Variants in PLEKHG5 observed in about 807,000 individuals in gnomAD.
The protein encoded by PLEKHG5 is pleckstrin homology domain-containing family G member 5.
PLEKHG5 carries 52 observed loss-of-function variants against 103.8 expected under a neutral mutation model. The ratio of observed to expected loss-of-function variants is 0.50; its 90% CI spans 0.40 to 0.63. The LOEUF (loss-of-function observed/expected upper bound fraction) is 0.63, where lower values mean the gene tolerates loss of function less well. Among genes scored for constraint, PLEKHG5 ranks in the 30% least tolerant of loss-of-function variants. The probability of loss-of-function intolerance (pLI) is 0.00; values close to 1 mark genes in which losing one functional copy is unlikely to be tolerated. For missense variants in PLEKHG5, 1,205 were observed against 1,347.6 expected (o/e 0.89, Z 1.66); for synonymous variants, 592 against 575.5 (o/e 1.03, Z -0.41).
At chr1:6,495,285 C>T (rs2148626275), upstream of PLEKHG5, among the ~76,000 whole-genome samples, 1 of 152,332 alleles carries the variant, frequency 6.6e-6, no homozygotes, top group East Asian at 1.9e-4. Context: ...CATCACACCG[C>T]CCCCCTGCCT....
chr1:6,510,315 G>A (rs1052688793), intron 1 of PLEKHG5, among the ~76,000 whole-genome samples: 4 of 152,164 alleles, frequency 2.6e-5, no homozygotes, highest in Non-Finnish European at 5.9e-5. Context: ...CTGCCCGGCC[G>A]GGCACAGTGG....
At chr1:6,472,836 C>A in intron 9 of PLEKHG5, 150 bp downstream of exon 9, 4 of 818,580 alleles carry the variant, frequency 4.9e-6, no homozygotes. Context: ...AGCAGCACAC[C>A]ATTTTCATCT....
intron 1 of PLEKHG5, among the ~76,000 whole-genome samples, chr1:6,509,377 G>T (rs1209022215): frequency 6.6e-6 from 1 of 152,254 alleles, no homozygotes; most frequent in Non-Finnish European, 1.5e-5. Context: ...GACATGGGGA[G>T]GGGGCGAGTC....
rs537204608 is a variant in PLEKHG5 at position 6,491,449 on chromosome 1, C to T, written c.-88+188G>A. On this transcript the variant is annotated intron_variant, in intron 1 of 20. Coordinates refer to ENST00000377728, the MANE Select transcript of PLEKHG5 (RefSeq NM_020631.6). The surrounding 1 kb of genome is among the most constrained non-coding windows in gnomAD (Gnocchi z 4.1). ...AACTACTTAGCCAAAACCCAGGAGT[C>T]CCCTTGCATTGTTTCTCTGGCCCTG... is the stretch of plus-strand genomic sequence containing the variant. 4.6e-5 allele frequency among the ~76,000 whole-genome samples: 7 copies of T among 152,294 alleles called. No homozygotes were observed. The South Asian group carries it at 1.2e-3, about 27-fold the overall frequency.
chr1:6,480,370 A>C (rs1644867997), intron 1 of PLEKHG5, among the ~76,000 whole-genome samples: 1 of 151,940 alleles, frequency 6.6e-6, no homozygotes, highest in Non-Finnish European at 1.5e-5. Flanking sequence ...CTCTACTAAA[A>C]TACAAAAAAA....
intron 1 of PLEKHG5, among the ~76,000 whole-genome samples, chr1:6,488,561 C>T (rs187904924): frequency 1.1e-3 from 162 of 152,358 alleles, no homozygotes; most frequent in African/African-American, 3.8e-3. Context: ...CCCTGGCCAT[C>T]CCTGAGTGAG....
chr1:6,481,444 T>G (rs1644895315), intron 1 of PLEKHG5, among the ~76,000 whole-genome samples: 1 of 151,578 alleles, frequency 6.6e-6, no homozygotes, highest in Non-Finnish European at 1.5e-5. Flanking sequence ...AGCAGGAGAA[T>G]CGCTTGAATA....
chr1:6,467,708 G>A (rs1644424270), intron 20 of PLEKHG5, 117 bp downstream of exon 20: 1 of 1,482,090 alleles, frequency 6.7e-7, no homozygotes, highest in Non-Finnish European at 9.4e-7. Flanking sequence ...CCAGACACTG[G>A]GCAGGGTTCA....
chr1:6,468,405 G>T lies in PLEKHG5; in HGVS notation c.2431C>A (p.Arg811Ser). ...ELLPLGPVDG[R>S]SCSMDSAYGT... ...TAGGCAGAGTCCATGGAGCAGGAGC[G>T]GCCGTCCACCGGACCCAGGGGCAGC... The change falls in exon 20 of 21, where the codon CGC (arginine) becomes AGC (serine). Residue 811 changes from arginine (R) to serine (S), a missense_variant. Physicochemically the swap from Arg to Ser is moderately radical, Grantham distance 110. Coordinates refer to ENST00000377728, the MANE Select transcript of PLEKHG5 (RefSeq NM_020631.6). 1 of 1,611,480 alleles carries T rather than the reference G, an allele frequency of 6.2e-7. No individual in the cohort carries two copies. The highest frequency in any genetic ancestry group is 8.5e-7 in the Non-Finnish European group (1 of 1,179,190).
At chr1:6,494,653 C>T (rs558006967), upstream of PLEKHG5, among the ~76,000 whole-genome samples, 1 of 152,322 alleles carries the variant, frequency 6.6e-6, no homozygotes, top group African/African-American at 2.4e-5. Context: ...CCACCACTGC[C>T]TCTCCCTTCC....
Position 6,470,966 on chromosome 1 carries a change from C to G in PLEKHG5, c.1392+24G>C, listed in dbSNP as rs558022226. 1.9e-6 allele frequency: 3 copies of G among 1,572,562 alleles called. No homozygotes were observed. The African/African-American group carries it at 4.1e-5, about 21-fold the overall frequency. On this transcript the variant is annotated intron_variant, in intron 13 of 20. Coordinates refer to ENST00000377728, the MANE Select transcript of PLEKHG5 (RefSeq NM_020631.6). The stretch of plus-strand genomic sequence containing the variant: ...CCAGGGTCCCGTCCTCCTGCGCCCC[C>G]GCCCACGGCACGCGCGCCCTCACCG...
At chr1:6,492,958 A>G (rs1291641661), upstream of PLEKHG5, among the ~76,000 whole-genome samples, 4 of 121,804 alleles carry the variant, frequency 3.3e-5, no homozygotes, top group African/African-American at 1.0e-4. Flanking sequence ...ATAGCCCCCA[A>G]TGTCCCCCCC....
Position 6,504,301 on chromosome 1 carries a change from C to T in PLEKHG5, c.-164-7732G>A, listed in dbSNP as rs948260839. Among the ~76,000 whole-genome samples the T allele has an allele frequency of 4.1e-4, 63 of 152,156 alleles. 1 individual carries two copies. The highest frequency in any genetic ancestry group is 6.5e-4 in the Admixed American group (10 of 15,284). On this transcript the variant is annotated intron_variant, in intron 1 of 21. Transcript: ENST00000377740. Reference sequence around the variant, plus strand: ...TCCTCCTCACCCCACCCCCACATCCCGTGCTGCCTCCCGCATCCCCACTGC... The same window carrying T: ...TCCTCCTCACCCCACCCCCACATCCTGTGCTGCCTCCCGCATCCCCACTGC...
chr1:6,493,558 C>T (rs1230027324), upstream of PLEKHG5, among the ~76,000 whole-genome samples: 2 of 152,178 alleles, frequency 1.3e-5, no homozygotes, highest in Non-Finnish European at 2.9e-5. Flanking sequence ...ACGCTGTTCT[C>T]CTGAGGGTCT....
Position 6,473,985 on chromosome 1 carries a change from C to A in PLEKHG5, c.591+28G>T, listed in dbSNP as rs76386795. 1.1e-5 allele frequency: 15 copies of A among 1,425,270 alleles called. No homozygotes were observed. In the African/African-American group the frequency reaches 2.0e-4, roughly 19 times the overall value. The allele number at this position is 1,425,270 out of a possible 1,614,324, so 88.3% of individuals were successfully genotyped here. A position where few individuals can be genotyped will look rare whatever the true frequency, so the allele number is the denominator to read the frequency against. On this transcript the variant is annotated intron_variant, in intron 7 of 20. Transcript: ENST00000377728. ...CCCAGCCTGGGCCCCTTCCCACCCCCTCCCCTGACACACCCCCTCCTCCTC... is the reference window on the plus strand; with the variant it reads ...CCCAGCCTGGGCCCCTTCCCACCCCATCCCCTGACACACCCCCTCCTCCTC...
chr1:6,470,684 G>C (rs781041969), intron 14 of PLEKHG5, 41 bp from the exon 15 acceptor site: 4 of 1,554,024 alleles, frequency 2.6e-6, no homozygotes, highest in Non-Finnish European at 2.6e-6. Context: ...GGGTCATGAC[G>C]GAGCAGAGAG....
chr1:6,510,655 C>A (rs1638447250), intron 1 of PLEKHG5, among the ~76,000 whole-genome samples: 1 of 152,236 alleles, frequency 6.6e-6, no homozygotes, highest in South Asian at 2.1e-4. Flanking sequence ...AGGGCCAATA[C>A]CTGATAGTGA....
rs781065380 is a variant in PLEKHG5 at position 6,467,837 on chromosome 1, G to A, written c.2999C>T (p.Thr1000Met). 1.4e-5 allele frequency: 22 copies of A among 1,613,124 alleles called. No individual in the cohort carries two copies. The highest frequency in any genetic ancestry group is 2.2e-5 in the East Asian group (1 of 44,892). Residue 1000 changes from threonine to methionine, a missense_variant, in exon 20 of 21, where the codon ACG becomes ATG. By Grantham distance (81) the Thr-to-Met change is moderately conservative. Coordinates refer to ENST00000377728, the MANE Select transcript of PLEKHG5 (RefSeq NM_020631.6). ...CCAGGCCACTCACGAGGCAGTGAGC[G>A]TGGAGTTAAGCAGCAGGGTGGTCCT... ...RIRTTLLLNS[T>M]LTASEV
Position 6,471,007 on chromosome 1 carries a change from A to G in PLEKHG5, c.1375T>C (p.Phe459Leu), listed in dbSNP as rs1255812842. 6.2e-7 allele frequency: 1 copy of G among 1,605,022 alleles called. No individual in the cohort carries two copies. The highest frequency in any genetic ancestry group is 8.5e-7 in the Non-Finnish European group (1 of 1,176,242). ...GCCCTCACCGTGATGTAGGCCCGGA[A>G]GAGGTCGTTGTCGCGCAGCAGGCCG... ...MRGLLRDNDL[F>L]RAYITWAEKH... is the part of the protein sequence containing the mutation. The change falls in exon 13 of 21, where the codon TTC becomes CTC. Residue 459 changes from phenylalanine (F) to leucine (L), a missense_variant. Physicochemically the swap from Phe to Leu is conservative, Grantham distance 22. Coordinates refer to ENST00000377728, the MANE Select transcript of PLEKHG5 (RefSeq NM_020631.6).
Sources: gnomAD v4.1 joint callset for allele counts (sites outside exome capture counted in the v4.1 genomes callset) on GRCh38, gnomAD v4.1.1 for gene constraint, Gnocchi (gnomAD v3.1) non-coding constraint, MANE v1.5 for transcripts, NCBI Gene and HGNC (gene_info 2026-07-23, HGNC 2026-07-21) for gene names.